Variants in IGSF10 observed in about 807,000 individuals in gnomAD.
The protein encoded by IGSF10 is calvaria mechanical force protein 608.
In IGSF10, 126 loss-of-function variants were observed where a neutral mutation model predicts 128.2. The ratio of observed to expected loss-of-function variants is 0.98; its 90% confidence interval spans 0.85 to 1.14. The LOEUF (loss-of-function observed/expected upper bound fraction) is 1.14, where lower values mean the gene tolerates loss of function less well. Among genes scored for constraint, IGSF10 ranks in the 50% most tolerant of loss-of-function variants. The pLI, the probability that IGSF10 is intolerant of heterozygous loss-of-function variation, is 0.00. For missense variants in IGSF10, 3,295 were observed against 3,149.8 expected (o/e 1.05, Z -1.10); for synonymous variants, 1,185 against 1,146.2 (o/e 1.03, Z -0.68).
the IGSF10 span, among the ~76,000 whole-genome samples, chr3:151,512,797 A>C: frequency 6.6e-6 from 1 of 152,236 alleles, no homozygotes; most frequent in East Asian, 1.9e-4. Flanking sequence ...CACTGATCCC[A>C]CAGAAATACA....
At chr3:151,513,636 GA>G in the IGSF10 span, among the ~76,000 whole-genome samples, 1 of 152,164 alleles carries the variant, frequency 6.6e-6, no homozygotes, top group Non-Finnish European at 1.5e-5. Flanking sequence ...TCAGGCAGGA[GA>G]AGGAAATAAA....
the IGSF10 span, among the ~76,000 whole-genome samples, chr3:151,586,541 G>T: frequency 3.4e-3 from 525 of 152,270 alleles, 3 homozygotes; most frequent in Middle Eastern, 6.8e-3. Flanking sequence ...AATTAGATCA[G>T]AAATAGTACT....
chr3:151,563,036 G>A, the IGSF10 span, among the ~76,000 whole-genome samples: 1 of 152,088 alleles, frequency 6.6e-6, no homozygotes, highest in Admixed American at 6.5e-5. Flanking sequence ...GGATTCATAT[G>A]TTCTTCATAG....
the IGSF10 span, among the ~76,000 whole-genome samples, chr3:151,546,810 G>T: frequency 6.6e-6 from 1 of 151,576 alleles, no homozygotes; most frequent in Non-Finnish European, 1.5e-5. Context: ...TGCTCTTGTT[G>T]CCCAGGCTGA....
the IGSF10 span, among the ~76,000 whole-genome samples, chr3:151,545,587 G>T: frequency 7.2e-3 from 1,094 of 152,248 alleles, 12 homozygotes; most frequent in South Asian, 0.015. Flanking sequence ...GGGAAAATTG[G>T]CTCAATTCAA....
the IGSF10 span, among the ~76,000 whole-genome samples, chr3:151,582,598 A>T: frequency 6.6e-6 from 1 of 152,144 alleles, no homozygotes; most frequent in Non-Finnish European, 1.5e-5. Flanking sequence ...TTCACCGCAG[A>T]TAGTATGCCA....
chr3:151,435,882 G>GAAAT (rs1416372438), downstream of IGSF10: 1 of 151,814 alleles, frequency 6.6e-6, no homozygotes, highest in East Asian at 1.9e-4. Context: ...AAGAATTAAT[G>GAAAT]AAATGAAATG....
At chr3:151,617,260 CTCTTCTTCTTCTTCTTCTTCT>C in the IGSF10 span, among the ~76,000 whole-genome samples, 122 of 55,744 alleles carry the variant, frequency 2.2e-3, 1 homozygote, top group South Asian at 0.014. Flanking sequence ...TCTTCTCCTT[CTCTTCTTCTTCTTCTTCTTCT>C]TCTTCTTCTT....
the IGSF10 span, among the ~76,000 whole-genome samples, chr3:151,611,772 T>A: frequency 2.0e-5 from 3 of 152,188 alleles, no homozygotes; most frequent in Non-Finnish European, 4.4e-5. Context: ...ATATATTTAT[T>A]TTGCTGCTTG....
At chr3:151,521,134 G>A in the IGSF10 span, among the ~76,000 whole-genome samples, 1 of 151,786 alleles carries the variant, frequency 6.6e-6, no homozygotes, top group Non-Finnish European at 1.5e-5. Flanking sequence ...AGACAAAGAA[G>A]GGCATTACAT....
At chr3:151,468,828 A>T in the IGSF10 span, among the ~76,000 whole-genome samples, 4 of 152,332 alleles carry the variant, frequency 2.6e-5, 1 homozygote, top group Middle Eastern at 6.8e-3. Flanking sequence ...GCACCTATCA[A>T]CCCATCACCT....
the IGSF10 span, among the ~76,000 whole-genome samples, chr3:151,562,841 A>G: frequency 6.6e-5 from 10 of 152,150 alleles, no homozygotes; most frequent in African/African-American, 2.4e-4. Flanking sequence ...GGACGTACAT[A>G]CAGGGCAGTC....
chr3:151,474,388 C>T, the IGSF10 span, among the ~76,000 whole-genome samples: 2 of 152,158 alleles, frequency 1.3e-5, no homozygotes, highest in African/African-American at 2.4e-5. Flanking sequence ...TTGGTTTGCA[C>T]ATAATCCTAA....
the IGSF10 span, among the ~76,000 whole-genome samples, chr3:151,547,222 G>T: frequency 1.3e-5 from 2 of 151,940 alleles, no homozygotes; most frequent in Non-Finnish European, 2.9e-5. Flanking sequence ...AAGCTTCCAA[G>T]ATCCACTCCA....
chr3:151,447,014 A>C lies in IGSF10; in HGVS notation c.2967T>G (p.Ala989=). The C allele has an allele frequency of 1.2e-6, 2 of 1,614,226 alleles. No homozygotes were observed. The highest frequency in any genetic ancestry group is 3.3e-5 in the Admixed American group (2 of 60,018). ...TAGGGATCGGAAACTGAGAATGAGCAGCTGTGTGTGGATCTGAAGGGAACG... is the reference window on the plus strand; with the variant it reads ...TAGGGATCGGAAACTGAGAATGAGCCGCTGTGTGTGGATCTGAAGGGAACG... The part of the protein sequence containing the change: ...TSTFPSDPHT[A]AHSQFPIPRN... The change falls in exon 6 of 8, where the codon GCT becomes GCG. Residue 989 remains alanine (A), a synonymous_variant. Coordinates refer to ENST00000282466, the MANE Select transcript of IGSF10 (RefSeq NM_178822.5).
chr3:151,440,906 G>A (rs144297553), intron 7 of IGSF10: 9 of 190,884 alleles, frequency 4.7e-5, no homozygotes, highest in Non-Finnish European at 7.9e-5. Context: ...CATATTCCCC[G>A]GCTTTGGTTT....
the IGSF10 span, among the ~76,000 whole-genome samples, chr3:151,507,391 C>T: frequency 1.3e-5 from 2 of 152,080 alleles, no homozygotes; most frequent in Non-Finnish European, 2.9e-5. Flanking sequence ...ATCTTAGAGT[C>T]ATGTTATATT....
the IGSF10 span, among the ~76,000 whole-genome samples, chr3:151,481,821 A>T: frequency 3.9e-5 from 6 of 152,098 alleles, no homozygotes; most frequent in Non-Finnish European, 5.9e-5. Flanking sequence ...CTCTTAGCAA[A>T]TCTGTTAACT....
At chr3:151,513,416 A>G in the IGSF10 span, among the ~76,000 whole-genome samples, 2 of 152,256 alleles carry the variant, frequency 1.3e-5, no homozygotes, top group Non-Finnish European at 2.9e-5. Flanking sequence ...ACAAAATTCA[A>G]CAACCCTTCA....
Sources: gnomAD v4.1 joint callset for allele counts (sites outside exome capture counted in the v4.1 genomes callset) on GRCh38, gnomAD v4.1.1 for gene constraint, MANE v1.5 for transcripts, NCBI Gene and HGNC (gene_info 2026-07-23, HGNC 2026-07-21) for gene names.